The following EGFLAM variants were observed in gnomAD, a reference collection of about 807,000 sequenced individuals.
The protein encoded by EGFLAM is pikachurin.
Under a neutral mutation model 113.1 loss-of-function variants are expected in EGFLAM, and 79 were observed. The observed-to-expected ratio is 0.70, with a 90% confidence interval of 0.58 to 0.84. EGFLAM has a LOEUF of 0.84. Ranked by LOEUF, EGFLAM falls within the 40% of genes least tolerant of loss-of-function variation. The probability of loss-of-function intolerance (pLI) is 0.00; values close to 1 mark genes in which losing one functional copy is unlikely to be tolerated. For synonymous variants in EGFLAM, 504 were observed against 487.6 expected (o/e 1.03, Z -0.44); for missense variants, 1,265 against 1,291.6 (o/e 0.98, Z 0.32).
In EGFLAM at chr5:38,465,461, G is replaced by T. The variant is rs1743437276; in HGVS notation, c.*1475G>T. On this transcript the variant is annotated 3_prime_UTR_variant, in exon 22 of 22. Transcript: ENST00000322350. Reference sequence around the variant, plus strand: ...AGCACATAATGTAATTCTAAAAGATGAATAAACTAGAGAGGTTCACTTTGT... The same window carrying T: ...AGCACATAATGTAATTCTAAAAGATTAATAAACTAGAGAGGTTCACTTTGT... 6.6e-6 allele frequency among the ~76,000 whole-genome samples: 1 copy of T among 152,206 alleles called. No individual in the cohort carries two copies. Among genetic ancestry groups the T allele is most frequent in the Admixed American group, 6.5e-5 (1 of 15,276 alleles).
At chr5:38,363,565 C>T (rs1307811562) in intron 5 of EGFLAM, among the ~76,000 whole-genome samples, 1 of 152,126 alleles carries the variant, frequency 6.6e-6, no homozygotes, top group Non-Finnish European at 1.5e-5. Flanking sequence ...TCTCAAAATA[C>T]CAGTTATGTT....
chr5:38,412,332 G>T (rs2112144973), intron 10 of EGFLAM, among the ~76,000 whole-genome samples, 172 bp from the exon 11 acceptor site: 1 of 152,280 alleles, frequency 6.6e-6, no homozygotes, highest in African/African-American at 2.4e-5. Flanking sequence ...CCCAGGAAGA[G>T]GTGCCTAGTT....
chr5:38,345,660 ACT>A (rs1373315972), intron 3 of EGFLAM: 1 of 151,928 alleles, frequency 6.6e-6, no homozygotes, highest in Non-Finnish European at 1.5e-5. Flanking sequence ...AATTCCCACG[ACT>A]CTGTTTCTCA....
chr5:38,317,941 G>C (rs550625250), intron 1 of EGFLAM, among the ~76,000 whole-genome samples: 59 of 152,270 alleles, frequency 3.9e-4, no homozygotes, highest in African/African-American at 1.4e-3. Flanking sequence ...GTTGGCAGGA[G>C]GAAACCGGAG....
intron 6 of EGFLAM, among the ~76,000 whole-genome samples, chr5:38,383,745 A>AGAGGATGGTGG (rs1740580347): frequency 6.6e-6 from 1 of 151,778 alleles, no homozygotes; most frequent in Non-Finnish European, 1.5e-5. Flanking sequence ...AAGAGGGTGT[A>AGAGGATGGTGG]GAGGATGGTG....
intron 1 of EGFLAM, among the ~76,000 whole-genome samples, chr5:38,294,685 T>C (rs1758412207): frequency 6.6e-6 from 1 of 152,128 alleles, no homozygotes; most frequent in South Asian, 2.1e-4. Context: ...AGGCTATAGG[T>C]TTTACAGGTT....
chr5:38,448,615 A>C (rs6892111), intron 18 of EGFLAM, among the ~76,000 whole-genome samples: 31,836 of 152,188 alleles, frequency 0.21, 5,163 homozygotes, highest in African/African-American at 0.46. Flanking sequence ...CTGTTACAAA[A>C]GATCCAGTAT....
intron 1 of EGFLAM, among the ~76,000 whole-genome samples, chr5:38,298,781 G>T (rs1758506374): frequency 1.3e-5 from 2 of 151,878 alleles, no homozygotes; most frequent in African/African-American, 4.8e-5. Flanking sequence ...GCTCACTGTA[G>T]TGTCAACCTC....
chr5:38,380,048 TA>T (rs1740470106), intron 6 of EGFLAM, among the ~76,000 whole-genome samples: 1 of 152,220 alleles, frequency 6.6e-6, no homozygotes, highest in African/African-American at 2.4e-5. Context: ...TGTATTCCAA[TA>T]AAACTATTTA....
At chr5:38,451,669 T>A in intron 19 of EGFLAM, 1 of 621,080 alleles carries the variant, frequency 1.6e-6, no homozygotes, top group Non-Finnish European at 2.6e-6. Flanking sequence ...GCAGGCCAAA[T>A]CTGACCCACC....
At chr5:38,442,237 G>A (rs990882017) in intron 17 of EGFLAM, among the ~76,000 whole-genome samples, 28 of 149,722 alleles carry the variant, frequency 1.9e-4, no homozygotes, top group Non-Finnish European at 7.4e-5. Flanking sequence ...CATGCTAAAG[G>A]GAATTTCTCT....
chr5:38,429,708 G>T (rs1000517421), intron 14 of EGFLAM, among the ~76,000 whole-genome samples: 1 of 151,942 alleles, frequency 6.6e-6, no homozygotes, highest in Non-Finnish European at 1.5e-5. Flanking sequence ...ATTTTATTAT[G>T]AAAAATTTCA....
At chr5:38,356,920 C>T (rs1199744232) in intron 5 of EGFLAM, among the ~76,000 whole-genome samples, 1 of 152,022 alleles carries the variant, frequency 6.6e-6, no homozygotes, top group South Asian at 2.1e-4. Context: ...ACACCCAAGG[C>T]GATGGTATTA....
intron 6 of EGFLAM, among the ~76,000 whole-genome samples, chr5:38,389,586 G>A (rs774945000): frequency 3.3e-5 from 5 of 151,954 alleles, no homozygotes; most frequent in Non-Finnish European, 7.4e-5. Flanking sequence ...TATATGTAGG[G>A]GTAGGTCTCT....
At chr5:38,328,944 A>C (rs1738964638) in intron 1 of EGFLAM, among the ~76,000 whole-genome samples, 1 of 151,986 alleles carries the variant, frequency 6.6e-6, no homozygotes, top group Admixed American at 6.5e-5. Flanking sequence ...ATTTTTTAAA[A>C]ATTTATATAT....
chr5:38,371,654 A>T (rs1214038071), intron 6 of EGFLAM, among the ~76,000 whole-genome samples: 1 of 152,066 alleles, frequency 6.6e-6, no homozygotes, highest in African/African-American at 2.4e-5. Context: ...ACATATGCAC[A>T]TGCTCGTGCA....
rs554036041 is a variant in EGFLAM, at chr5:38,330,125, A to G, written c.98-7395A>G. 1.2e-4 allele frequency among the ~76,000 whole-genome samples: 19 copies of G among 152,096 alleles called. 1 individual carries two copies. In the South Asian group the frequency reaches 1.9e-3, roughly 15 times the overall value. On this transcript the variant is annotated intron_variant, in intron 1 of 21. Coordinates refer to ENST00000322350, the MANE Select transcript of EGFLAM (RefSeq NM_152403.4). ...TTGTTCACCTTCTGGTGACTGTTTT[A>G]CCCTCCTTCTAGATGCCATTACTAT...
chr5:38,378,426 C>T (rs949875081), intron 6 of EGFLAM, among the ~76,000 whole-genome samples: 2 of 152,144 alleles, frequency 1.3e-5, no homozygotes, highest in Non-Finnish European at 2.9e-5. Context: ...TTCCCTTATC[C>T]CTGTTCGCAA....
intron 1 of EGFLAM, among the ~76,000 whole-genome samples, chr5:38,266,295 T>G (rs1292859250): frequency 6.6e-6 from 1 of 152,186 alleles, no homozygotes; most frequent in Non-Finnish European, 1.5e-5. Flanking sequence ...TACAGCTACA[T>G]GGTGACAGTG....
Sources: allele counts gnomAD v4.1 joint callset (sites outside exome capture counted in the v4.1 genomes callset), GRCh38; gene constraint gnomAD v4.1.1; transcripts MANE v1.5; gene names NCBI Gene and HGNC (gene_info 2026-07-23, HGNC 2026-07-21).